Variants in CTNNAL1 observed in about 807,000 individuals in gnomAD.
The protein encoded by CTNNAL1 is catenin alpha like 1, also known as alpha-catulin.
In CTNNAL1, 69 loss-of-function variants were observed where a neutral mutation model predicts 93.6. The ratio of observed to expected loss-of-function variants is 0.74; its 90% CI spans 0.61 to 0.90. The LOEUF (loss-of-function observed/expected upper bound fraction) is 0.90. Among genes scored for constraint, CTNNAL1 ranks in the 40% least tolerant of loss-of-function variants. The pLI is 0.00. For missense variants in CTNNAL1, 836 were observed against 862.0 expected (o/e 0.97, Z 0.38); for synonymous variants, 286 against 305.4 (o/e 0.94, Z 0.66).
chr9:108,966,532 A>G (rs1477695095), intron 10 of CTNNAL1, among the ~76,000 whole-genome samples: 1 of 151,940 alleles, frequency 6.6e-6, no homozygotes. Context: ...TGATGGTTCA[A>G]TGCACAGGCT....
intron 11 of CTNNAL1, among the ~76,000 whole-genome samples, chr9:108,961,222 C>T (rs944944456): frequency 1.3e-5 from 2 of 152,146 alleles, no homozygotes; most frequent in South Asian, 2.1e-4. Flanking sequence ...CTGAAGAATA[C>T]ACCTTTGTAT....
At chr9:108,974,072 G>A (rs1831192219) in intron 8 of CTNNAL1, among the ~76,000 whole-genome samples, 1 of 152,154 alleles carries the variant, frequency 6.6e-6, no homozygotes, top group South Asian at 2.1e-4. Context: ...TCTTGCCAAG[G>A]TCATGTAACT....
At chr9:109,009,203 T>C (rs1827135474) in intron 1 of CTNNAL1, among the ~76,000 whole-genome samples, 1 of 152,100 alleles carries the variant, frequency 6.6e-6, no homozygotes, top group Non-Finnish European at 1.5e-5. Context: ...GCCTAGGTTC[T>C]TCATTTTAAA....
intron 8 of CTNNAL1, among the ~76,000 whole-genome samples, chr9:108,976,591 C>T (rs190686143): frequency 3.0e-4 from 45 of 151,876 alleles, no homozygotes; most frequent in East Asian, 2.5e-3. Flanking sequence ...AGTGCAGTAG[C>T]GCGATCATGG....
chr9:108,967,815 A>G (rs1831002807), intron 10 of CTNNAL1, among the ~76,000 whole-genome samples: 2 of 152,380 alleles, frequency 1.3e-5, no homozygotes, highest in Admixed American at 1.3e-4. Flanking sequence ...GGAGAAGCAT[A>G]GATGGTAAGG....
rs544398909 is a variant in CTNNAL1 at position 109,004,920 on chromosome 9, C to T, written c.142-5664G>A. ...CTATAATTAGCTATCTTACTTAATC[C>T]TCAGGTATTATTAAAGATTAAAAAA... On this transcript the variant is annotated intron_variant, in intron 1 of 18. Transcript: ENST00000325551. Among the ~76,000 whole-genome samples, 4 of 152,114 alleles carry T rather than the reference C, an allele frequency of 2.6e-5. No individual in the cohort carries two copies. In the South Asian group the frequency reaches 6.2e-4, roughly 24 times the overall value.
intron 11 of CTNNAL1, among the ~76,000 whole-genome samples, chr9:108,962,934 C>T (rs1419453894): frequency 6.6e-6 from 1 of 152,136 alleles, no homozygotes; most frequent in Non-Finnish European, 1.5e-5. Context: ...CCTAGGCAGT[C>T]CACTTCAGAA....
At position 108,972,791 on chromosome 9, in the gene CTNNAL1, A is replaced by G; in HGVS notation, c.1231T>C (p.Tyr411His). 7 of 1,336,334 alleles carry G rather than the reference A, an allele frequency of 5.2e-6. No individual in the cohort carries two copies. The highest frequency in any genetic ancestry group is 6.9e-6 in the Non-Finnish European group (7 of 1,019,168). The allele number at this position is 1,336,334 out of a possible 1,614,324, so 82.8% of individuals were successfully genotyped here. Residue 411 changes from tyrosine to histidine, a missense_variant, in exon 9 of 19, where the codon TAC (tyrosine) becomes CAC (histidine). By Grantham distance (83) the Tyr-to-His change is moderately conservative (BLOSUM62 2). Transcript: ENST00000325551. ...ATQLAADLLK[Y>H]HADHVVLKAL... ...TTTAGAACCACATGATCAGCATGGT[A>G]TTTTAATAGATCTGCTGCCAGCTGT...
At position 108,979,460 on chromosome 9, in the gene CTNNAL1, C is replaced by T. The variant is rs767558449; in HGVS notation, c.922G>A (p.Glu308Lys). 2 of 1,614,002 alleles carry T rather than the reference C, an allele frequency of 1.2e-6. No homozygotes were observed. Among genetic ancestry groups the T allele is most frequent in the East Asian group, 4.5e-5 (2 of 44,852 alleles). Residue 308 changes from glutamate to lysine, a missense_variant, in exon 7 of 19, where the codon GAG becomes AAG. Glu to Lys is a moderately conservative substitution (Grantham distance 56, BLOSUM62 1). Coordinates refer to ENST00000325551, the MANE Select transcript of CTNNAL1 (RefSeq NM_003798.4). ...TCTTTGGACTGAAAATAAAGATTCT[C>T]CCGAAGAGCTTCAATATTCATCTGA... ...EFKMNIEALR[E>K]NLYFQSKENL...
chr9:109,013,150 C>T (rs1024491770), intron 1 of CTNNAL1, 152 bp downstream of exon 1: 3 of 1,015,396 alleles, frequency 3.0e-6, no homozygotes, highest in Middle Eastern at 3.1e-4. Context: ...AGGCCCGTCC[C>T]GGAGCCCCAC....
At chr9:108,949,104 A>G (rs549125965) in intron 14 of CTNNAL1, among the ~76,000 whole-genome samples, 2 of 152,376 alleles carry the variant, frequency 1.3e-5, no homozygotes, top group South Asian at 4.1e-4. Flanking sequence ...AAGAAATCAT[A>G]TAAATTATTA....
chr9:108,946,763 T>C (rs1193804142), intron 15 of CTNNAL1, among the ~76,000 whole-genome samples: 1 of 152,222 alleles, frequency 6.6e-6, no homozygotes, highest in Non-Finnish European at 1.5e-5. Context: ...ATTTGTTGAA[T>C]GAAGTATGCA....
intron 4 of CTNNAL1, among the ~76,000 whole-genome samples, chr9:108,989,240 A>T (rs1343671605): frequency 6.6e-6 from 1 of 152,326 alleles, no homozygotes; most frequent in East Asian, 1.9e-4. Flanking sequence ...GTAGCTTTAG[A>T]ACCTATGACT....
chr9:108,945,638 T>G (rs531323471), intron 15 of CTNNAL1, among the ~76,000 whole-genome samples: 15,817 of 149,148 alleles, frequency 0.11, 957 homozygotes, highest in South Asian at 0.17. Context: ...GTTTTTTTTT[T>G]TTTTGTTTTG....
intron 4 of CTNNAL1, among the ~76,000 whole-genome samples, chr9:108,985,459 C>T (rs1406190670): frequency 6.6e-6 from 1 of 152,148 alleles, no homozygotes; most frequent in Non-Finnish European, 1.5e-5. Flanking sequence ...AATGATTTGC[C>T]TTTGAAAGTA....
intron 2 of CTNNAL1, among the ~76,000 whole-genome samples, chr9:108,996,182 G>C (rs563655234): frequency 6.6e-6 from 1 of 152,054 alleles, no homozygotes; most frequent in East Asian, 1.9e-4. Context: ...GCCCAGGTTG[G>C]TCTCAAACAC....
At chr9:109,009,202 C>T (rs1479389107) in intron 1 of CTNNAL1, among the ~76,000 whole-genome samples, 1 of 151,834 alleles carries the variant, frequency 6.6e-6, no homozygotes, top group African/African-American at 2.4e-5. Context: ...GGCCTAGGTT[C>T]TTCATTTTAA....
At chr9:109,012,476 T>C (rs1024417858) in intron 1 of CTNNAL1, among the ~76,000 whole-genome samples, 2 of 152,192 alleles carry the variant, frequency 1.3e-5, no homozygotes, top group African/African-American at 4.8e-5. Context: ...CCCACAGTGC[T>C]TGGCATCTTA....
chr9:108,992,133 T>C, intron 3 of CTNNAL1: 1 of 719,810 alleles, frequency 1.4e-6, no homozygotes, highest in Non-Finnish European at 2.6e-6. Flanking sequence ...TTCTGCTACA[T>C]ACATTATCAT....
Sources: gnomAD v4.1 joint callset for allele counts (sites outside exome capture counted in the v4.1 genomes callset) on GRCh38, gnomAD v4.1.1 for gene constraint, MANE v1.5 for transcripts, NCBI Gene and HGNC (gene_info 2026-07-23, HGNC 2026-07-21) for gene names.